The following PDE1C variants were observed in gnomAD, a reference collection of about 807,000 sequenced individuals.
PDE1C encodes the protein phosphodiesterase 1C.
In PDE1C, 62 loss-of-function variants were observed where a neutral mutation model predicts 93.1. The observed-to-expected ratio is 0.67, with a 90% confidence interval of 0.54 to 0.82. The LOEUF is 0.82. PDE1C is among the 40% of genes least tolerant of loss of function. The pLI is 0.00. For missense variants in PDE1C, 742 were observed against 884.6 expected (o/e 0.84, Z 2.04); for synonymous variants, 325 against 310.1 (o/e 1.05, Z -0.50).
At chr7:31,680,050 C>T in the PDE1C span, among the ~76,000 whole-genome samples, 8 of 152,158 alleles carry the variant, frequency 5.3e-5, no homozygotes, top group Non-Finnish European at 1.2e-4. Context: ...CCTTAATAAC[C>T]AGGAGCTGCA....
chr7:32,182,082 C>T (rs762300698), intron 2 of PDE1C, among the ~76,000 whole-genome samples: 2 of 152,184 alleles, frequency 1.3e-5, no homozygotes, highest in Admixed American at 6.5e-5. Context: ...CATATACACA[C>T]TCCCAAGACT....
chr7:32,142,065 G>T (rs1189857480), intron 3 of PDE1C, among the ~76,000 whole-genome samples: 1 of 151,814 alleles, frequency 6.6e-6, no homozygotes, highest in Non-Finnish European at 1.5e-5. Flanking sequence ...TGGGTTTTGA[G>T]TGGGAATGAA....
chr7:31,643,255 A>T, the PDE1C span: 1 of 1,613,766 alleles, frequency 6.2e-7, no homozygotes, highest in Non-Finnish European at 8.5e-7. Flanking sequence ...CTGTCCTCAC[A>T]CCAACCACAG....
intron 1 of PDE1C, among the ~76,000 whole-genome samples, chr7:32,392,773 G>C (rs974667448): frequency 6.6e-6 from 1 of 151,966 alleles, no homozygotes; most frequent in African/African-American, 2.4e-5. Context: ...ATATATGGCC[G>C]AGCGTGGTGG....
At chr7:32,209,428 A>G (rs1454409504) in intron 2 of PDE1C, 4 of 1,348,996 alleles carry the variant, frequency 3.0e-6, no homozygotes, top group African/African-American at 3.0e-5. Context: ...CATGGGGGAA[A>G]GATCTCTGGA....
intron 3 of PDE1C, among the ~76,000 whole-genome samples, chr7:32,155,160 A>T (rs947405779): frequency 1.3e-5 from 2 of 152,166 alleles, no homozygotes; most frequent in Admixed American, 1.3e-4. Context: ...CTTCTGCCTC[A>T]TTGCTGGACC....
At chr7:31,717,849 A>T in the PDE1C span, among the ~76,000 whole-genome samples, 18 of 152,178 alleles carry the variant, frequency 1.2e-4, no homozygotes, top group Non-Finnish European at 2.2e-4. Context: ...AGAGAAGGTG[A>T]TCTCCGCCCT....
At chr7:32,294,502 T>C (rs1812517960) in intron 1 of PDE1C, among the ~76,000 whole-genome samples, 1 of 152,158 alleles carries the variant, frequency 6.6e-6, no homozygotes, top group Non-Finnish European at 1.5e-5. Context: ...TCAGCCCCAT[T>C]TTCTCATCTG....
chr7:31,769,686 C>G (rs979960852), intron 17 of PDE1C, among the ~76,000 whole-genome samples: 8 of 152,230 alleles, frequency 5.3e-5, no homozygotes, highest in African/African-American at 1.9e-4. Flanking sequence ...TGTTTCACAA[C>G]CATCACCACT....
chr7:32,083,687 G>A (rs1326708924), intron 3 of PDE1C, among the ~76,000 whole-genome samples: 2 of 152,004 alleles, frequency 1.3e-5, no homozygotes, highest in African/African-American at 4.8e-5. Flanking sequence ...AGAGAGTGGG[G>A]TCCAATATTC....
chr7:32,088,545 G>A (rs1334020445), intron 3 of PDE1C, among the ~76,000 whole-genome samples: 1 of 152,244 alleles, frequency 6.6e-6, no homozygotes, highest in Non-Finnish European at 1.5e-5. Flanking sequence ...ATTTGGCCGA[G>A]CTGCTGCTAA....
chr7:31,622,302 AT>A, the PDE1C span, among the ~76,000 whole-genome samples: 80,162 of 150,366 alleles, frequency 0.53, 21,791 homozygotes, highest in East Asian at 0.83. Flanking sequence ...CAGAATATAC[AT>A]TTTTTTTTCA....
chr7:31,642,061 A>T, the PDE1C span: 1 of 565,674 alleles, frequency 1.8e-6, no homozygotes, highest in East Asian at 3.2e-5. Context: ...TTTCTTCCAC[A>T]CAGTGGGCAT....
chr7:32,047,017 T>C (rs903759803), intron 2 of PDE1C, among the ~76,000 whole-genome samples: 2 of 147,884 alleles, frequency 1.4e-5, no homozygotes, highest in Non-Finnish European at 3.0e-5. Flanking sequence ...TAATCCCCTA[T>C]CATACTGAAA....
intron 17 of PDE1C, among the ~76,000 whole-genome samples, chr7:31,759,380 C>A (rs1264732645): frequency 6.6e-6 from 1 of 152,142 alleles, no homozygotes; most frequent in Admixed American, 6.5e-5. Context: ...GGGCACTTCC[C>A]ACAGCTGAAT....
chr7:31,831,356 A>G (rs1790362124), intron 11 of PDE1C, among the ~76,000 whole-genome samples: 1 of 152,166 alleles, frequency 6.6e-6, no homozygotes, highest in African/African-American at 2.4e-5. Context: ...AATCAAAACT[A>G]TATGAGAAAG....
intron 2 of PDE1C, among the ~76,000 whole-genome samples, chr7:31,922,941 T>A (rs998264469): frequency 5.9e-5 from 9 of 152,206 alleles, no homozygotes; most frequent in African/African-American, 2.2e-4. Flanking sequence ...GAAGCCTCTA[T>A]CCTTTCTTTC....
chr7:32,394,482 C>A (rs930314758), intron 1 of PDE1C, among the ~76,000 whole-genome samples: 2 of 152,146 alleles, frequency 1.3e-5, no homozygotes, highest in African/African-American at 4.8e-5. Context: ...TAAGTGAGTT[C>A]TCACTCTTAG....
chr7:32,141,953 C>CA (rs34699958), intron 3 of PDE1C, among the ~76,000 whole-genome samples: 4,673 of 152,128 alleles, frequency 0.031, 256 homozygotes, highest in African/African-American at 0.11. Context: ...ACCCACCCCC[C>CA]AAAAAATAAT....
Sources: allele counts gnomAD v4.1 joint callset (sites outside exome capture counted in the v4.1 genomes callset), GRCh38; gene constraint gnomAD v4.1.1; transcripts MANE v1.5; gene names NCBI Gene and HGNC (gene_info 2026-07-23, HGNC 2026-07-21).